Variants in COPS8 observed in about 807,000 individuals in gnomAD.
COPS8 encodes the protein COP9 signalosome subunit 8, also known as COP9 signalosome complex subunit 8.
In COPS8, 11 loss-of-function variants were observed where a neutral mutation model predicts 31.5. That is an observed-to-expected ratio of 0.35 (90% CI 0.22 to 0.58). The LOEUF (loss-of-function observed/expected upper bound fraction) is 0.58, where lower values mean the gene tolerates loss of function less well. Among genes scored for constraint, COPS8 ranks in the 20% least tolerant of loss-of-function variants. The probability of loss-of-function intolerance (pLI) is 0.83; values close to 1 mark genes in which losing one functional copy is unlikely to be tolerated. For synonymous variants in COPS8, 81 were observed against 89.3 expected, an observed-to-expected ratio of 0.91 and a Z score of 0.52; for missense variants, 215 against 255.1, an observed-to-expected ratio of 0.84 and a Z score of 1.07.
chr2:237,087,063 A>T, intron 1 of COPS8, 64 bp from the exon 2 acceptor site: 1 of 1,021,552 alleles, frequency 9.8e-7, no homozygotes, highest in Non-Finnish European at 1.5e-6. Context: ...ATGAAAGTTA[A>T]AGGGTAAATG....
At chr2:237,092,303 CAG>C (rs1255289779) in intron 4 of COPS8, among the ~76,000 whole-genome samples, 1 of 152,174 alleles carries the variant, frequency 6.6e-6, no homozygotes, top group East Asian at 1.9e-4. Flanking sequence ...GCTTCTGAGA[CAG>C]AGAACACTTA....
intron 1 of COPS8, among the ~76,000 whole-genome samples, chr2:237,086,379 A>G (rs1404387999): frequency 6.6e-6 from 1 of 152,036 alleles, no homozygotes; most frequent in Non-Finnish European, 1.5e-5. Flanking sequence ...GGTTTTATTA[A>G]AGATCTTGGT....
intron 7 of COPS8, among the ~76,000 whole-genome samples, 163 bp from the exon 8 acceptor site, chr2:237,097,500 T>C (rs1696826693): frequency 6.6e-6 from 1 of 152,192 alleles, no homozygotes; most frequent in African/African-American, 2.4e-5. Context: ...TTTTCAAAAA[T>C]GTCCAAGCCT....
rs142022503 is a variant in COPS8 at position 237,086,570 on chromosome 2, A to G, written c.78+528A>G. Among the ~76,000 whole-genome samples, 147 of 152,316 alleles carry G rather than the reference A, an allele frequency of 9.7e-4. 1 individual carries two copies. The highest frequency in any genetic ancestry group is 2.8e-3 in the African/African-American group (118 of 41,560). Reference sequence around the variant, plus strand: ...CTGTTAAAGTTAATGTTTTTCTTAGACACTTAAAAAGGGTTTATATCATTA... The same window carrying G: ...CTGTTAAAGTTAATGTTTTTCTTAGGCACTTAAAAAGGGTTTATATCATTA... On this transcript the variant is annotated intron_variant, in intron 1 of 7. Coordinates refer to ENST00000354371, the MANE Select transcript of COPS8 (RefSeq NM_006710.5).
chr2:237,096,702 A>G (rs1351704351), intron 6 of COPS8, 120 bp from the exon 7 acceptor site: 1 of 749,500 alleles, frequency 1.3e-6, no homozygotes, highest in African/African-American at 2.0e-5. Context: ...CACAGTTGTT[A>G]TCCCTGTTTG....
chr2:237,086,767 A>G, intron 1 of COPS8: 1 of 984,616 alleles, frequency 1.0e-6, no homozygotes, highest in Non-Finnish European at 1.2e-6. Flanking sequence ...AGAATGCTTC[A>G]GGAATCTGTC....
chr2:237,086,999 T>G (rs1439763678), intron 1 of COPS8, 128 bp from the exon 2 acceptor site: 3 of 640,250 alleles, frequency 4.7e-6, no homozygotes, highest in Admixed American at 6.7e-5. Flanking sequence ...CTTATAGTCT[T>G]AGACTAAAAA....
chr2:237,092,512 T>A (rs1013895478), intron 4 of COPS8, among the ~76,000 whole-genome samples: 1 of 152,124 alleles, frequency 6.6e-6, no homozygotes, highest in Non-Finnish European at 1.5e-5. Context: ...ACTTACCAAA[T>A]GAATATAGTT....
intron 3 of COPS8, among the ~76,000 whole-genome samples, chr2:237,089,350 C>T (rs1676689087): frequency 6.6e-6 from 1 of 151,892 alleles, no homozygotes; most frequent in South Asian, 2.1e-4. Flanking sequence ...TCCTCAGCTT[C>T]TTTGGCTAAA....
intron 3 of COPS8, 144 bp downstream of exon 3, chr2:237,088,797 G>C: frequency 1.9e-6 from 1 of 517,148 alleles, no homozygotes; most frequent in Non-Finnish European, 3.4e-6. Flanking sequence ...AATCTTCAGA[G>C]TCCTCTAATC....
chr2:237,088,631 G>C lies in COPS8; in HGVS notation c.176G>C (p.Arg59Thr). Residue 59 changes from arginine (R) to threonine (T), a missense_variant, in exon 3 of 8, where the codon AGA becomes ACA. By Grantham distance (71) the Arg-to-Thr change is moderately conservative. Transcript: ENST00000354371. ...AATAATGCAAGATATCTTTGGAAAA[G>C]AATACCACCTGCTATAAAATCTGTA... ...DMNNARYLWK[R>T]IPPAIKSANS... 1 of 1,594,956 alleles carries C rather than the reference G, an allele frequency of 6.3e-7. No homozygotes were observed. The highest frequency in any genetic ancestry group is 8.6e-7 in the Non-Finnish European group (1 of 1,166,044).
intron 2 of COPS8, among the ~76,000 whole-genome samples, chr2:237,088,151 A>C (rs1403097345): frequency 1.3e-5 from 2 of 152,106 alleles, no homozygotes; most frequent in Non-Finnish European, 2.9e-5. Context: ...AAGCCTCCAA[A>C]CCCATAAAAA....
Position 237,100,210 on chromosome 2 carries a change from G to A in COPS8, c.*2468G>A, listed in dbSNP as rs1418061878. On this transcript the variant is annotated 3_prime_UTR_variant, in exon 8 of 8. Transcript: ENST00000354371. ...ATATATCAATGCTGTTGAGACCACA[G>A]GGTAAGAAATTGAGATTGAGCATGA... 3.9e-5 allele frequency: 6 copies of A among 152,162 alleles called. No homozygotes were observed. The highest frequency in any genetic ancestry group is 3.9e-4 in the Admixed American group (6 of 15,278). 9.4% of individuals were successfully genotyped at this position (152,162 alleles called of 1,614,324 possible).
intron 1 of COPS8, chr2:237,086,874 A>G (rs1201956693): frequency 4.8e-6 from 2 of 419,880 alleles, no homozygotes; most frequent in Non-Finnish European, 7.3e-6. Flanking sequence ...AAAGAAACTG[A>G]AGCCCAAAGG....
intron 4 of COPS8, among the ~76,000 whole-genome samples, chr2:237,092,686 G>A (rs1191399596): frequency 6.6e-6 from 1 of 152,188 alleles, no homozygotes; most frequent in African/African-American, 2.4e-5. Context: ...GTTGAAGGAA[G>A]GAAGGAACCT....
chr2:237,090,074 TG>T (rs1296460160), intron 4 of COPS8, 80 bp downstream of exon 4: 4 of 1,424,014 alleles, frequency 2.8e-6, no homozygotes, highest in Non-Finnish European at 3.9e-6. Flanking sequence ...AATAAATCAG[TG>T]GTGTGTGTTT....
At chr2:237,091,200 T>C (rs1191399082) in intron 4 of COPS8, among the ~76,000 whole-genome samples, 1 of 152,120 alleles carries the variant, frequency 6.6e-6, no homozygotes, top group Non-Finnish European at 1.5e-5. Flanking sequence ...TTCCATGAGA[T>C]TGAGAATTCC....
At chr2:237,089,463 A>AACCATT (rs1485633147) in intron 3 of COPS8, among the ~76,000 whole-genome samples, 3 of 152,172 alleles carry the variant, frequency 2.0e-5, no homozygotes, top group African/African-American at 4.8e-5. Context: ...GAGAGTCTCT[A>AACCATT]TTGTTAACCA....
chr2:237,095,909 C>A, intron 6 of COPS8, 25 bp downstream of exon 6: 1 of 1,542,728 alleles, frequency 6.5e-7, no homozygotes, highest in Non-Finnish European at 9.0e-7. Flanking sequence ...CACCCATTTA[C>A]GCAGCACTGG....
Sources: allele counts gnomAD v4.1 joint callset (sites outside exome capture counted in the v4.1 genomes callset), GRCh38; gene constraint gnomAD v4.1.1; transcripts MANE v1.5; gene names NCBI Gene and HGNC (gene_info 2026-07-23, HGNC 2026-07-21).